Variants in GALNT17 observed in about 807,000 individuals in gnomAD.
The protein encoded by GALNT17 is polypeptide N-acetylgalactosaminyltransferase 17.
A neutral mutation model predicts 63.7 loss-of-function variants in GALNT17; 29 were observed. The ratio of observed to expected loss-of-function variants is 0.46; its 90% CI spans 0.34 to 0.62. The LOEUF is 0.62. GALNT17 is among the 20% of genes least tolerant of loss of function. The probability of loss-of-function intolerance (pLI) is 0.01; values close to 1 mark genes in which losing one functional copy is unlikely to be tolerated. For synonymous variants in GALNT17, 305 were observed against 318.3 expected (o/e 0.96, Z 0.45); for missense variants, 603 against 799.6 (o/e 0.75, Z 2.97).
At chr7:71,521,879 T>G (rs1788536707) in intron 5 of GALNT17, among the ~76,000 whole-genome samples, 1 of 152,194 alleles carries the variant, frequency 6.6e-6, no homozygotes, top group Non-Finnish European at 1.5e-5. Context: ...TTCATAATCA[T>G]AGAGATATTT....
rs1233259211 is a variant in GALNT17, at chr7:71,259,017, G to C, written c.239-76533G>C. Among the ~76,000 whole-genome samples, 4 of 152,120 alleles carry C rather than the reference G, an allele frequency of 2.6e-5. No individual in the cohort carries two copies. In the East Asian group the frequency reaches 7.7e-4, roughly 29 times the overall value. On this transcript the variant is annotated intron_variant, in intron 1 of 10. Coordinates refer to ENST00000333538, the MANE Select transcript of GALNT17 (RefSeq NM_022479.3). ...TATATGGGGGATGAGGCTGGAGAGG[G>C]GACCTCTTCTAGTTGTTTCTAATGA... is the stretch of plus-strand genomic sequence containing the variant.
intron 3 of GALNT17, among the ~76,000 whole-genome samples, chr7:71,390,721 G>A (rs936700096): frequency 6.6e-6 from 1 of 152,032 alleles, no homozygotes; most frequent in African/African-American, 2.4e-5. Flanking sequence ...CTGTTCCTGT[G>A]GCCCCCTTCA....
intron 1 of GALNT17, among the ~76,000 whole-genome samples, chr7:71,253,507 C>T (rs968398088): frequency 2.6e-5 from 4 of 151,328 alleles, no homozygotes; most frequent in African/African-American, 9.8e-5. Flanking sequence ...ACCATATTAC[C>T]TACTCTTCCT....
At chr7:71,400,819 G>A (rs1017961100) in intron 3 of GALNT17, among the ~76,000 whole-genome samples, 6 of 152,224 alleles carry the variant, frequency 3.9e-5, no homozygotes, top group Non-Finnish European at 7.3e-5. Flanking sequence ...GGAGGCAGGA[G>A]TCAAAGAGGA....
intron 5 of GALNT17, among the ~76,000 whole-genome samples, chr7:71,457,677 A>G (rs746355968): frequency 6.6e-6 from 1 of 152,164 alleles, no homozygotes; most frequent in Non-Finnish European, 1.5e-5. Context: ...TGGTGGGAGC[A>G]TAGCGGTGAA....
intron 5 of GALNT17, among the ~76,000 whole-genome samples, chr7:71,474,685 G>A (rs1022485237): frequency 3.3e-5 from 5 of 152,070 alleles, no homozygotes; most frequent in African/African-American, 9.7e-5. Context: ...AGTCATTTGC[G>A]GTGCTGTTAG....
At chr7:71,662,228 C>G (rs1429991037) in intron 6 of GALNT17, among the ~76,000 whole-genome samples, 1 of 152,038 alleles carries the variant, frequency 6.6e-6, no homozygotes, top group Non-Finnish European at 1.5e-5. Context: ...CTGCTAAGTC[C>G]TTGAAGAGTT....
intron 5 of GALNT17, among the ~76,000 whole-genome samples, chr7:71,558,144 T>C (rs932618283): frequency 2.6e-5 from 4 of 152,156 alleles, no homozygotes; most frequent in Admixed American, 2.0e-4. Flanking sequence ...TGTACTCTCC[T>C]CCACGGCTTC....
chr7:71,197,263 G>A (rs1015833822), intron 1 of GALNT17, among the ~76,000 whole-genome samples: 2 of 136,404 alleles, frequency 1.5e-5, no homozygotes, highest in African/African-American at 2.8e-5. Flanking sequence ...GCAGTGGCGC[G>A]ATCTCCGCTC....
chr7:71,698,123 CA>C (rs10708106), intron 9 of GALNT17, among the ~76,000 whole-genome samples: 16,603 of 107,504 alleles, frequency 0.15, 872 homozygotes, highest in African/African-American at 0.21. Context: ...GACTCTGTCT[CA>C]AAAAAAAAAA....
chr7:71,195,917 G>C (rs1014431652), intron 1 of GALNT17, among the ~76,000 whole-genome samples: 2 of 151,824 alleles, frequency 1.3e-5, no homozygotes, highest in African/African-American at 4.8e-5. Context: ...TGACACTTAT[G>C]ACCAGCCCCC....
chr7:71,522,345 A>G (rs1788543904), intron 5 of GALNT17, among the ~76,000 whole-genome samples: 1 of 152,210 alleles, frequency 6.6e-6, no homozygotes, highest in Admixed American at 6.5e-5. Flanking sequence ...TGCTACTGAT[A>G]AAGACATACC....
intron 2 of GALNT17, among the ~76,000 whole-genome samples, chr7:71,371,402 T>C (rs1414280143): frequency 6.6e-6 from 1 of 152,256 alleles, no homozygotes; most frequent in Admixed American, 6.5e-5. Flanking sequence ...TTATTACTCA[T>C]GAAGTTCTAC....
At chr7:71,137,279 A>G (rs1585830054) in intron 1 of GALNT17, among the ~76,000 whole-genome samples, 1 of 151,826 alleles carries the variant, frequency 6.6e-6, no homozygotes, top group South Asian at 2.1e-4. Flanking sequence ...AGCTGGGACT[A>G]CAGGCGTCCG....
At chr7:71,681,912 G>C (rs1751057827) in intron 9 of GALNT17, among the ~76,000 whole-genome samples, 1 of 151,922 alleles carries the variant, frequency 6.6e-6, no homozygotes, top group African/African-American at 2.4e-5. Flanking sequence ...TTTTGTTTTT[G>C]TTTTGTTTTT....
chr7:71,259,096 G>T (rs2115609693), intron 1 of GALNT17, among the ~76,000 whole-genome samples: 1 of 152,268 alleles, frequency 6.6e-6, no homozygotes, highest in Admixed American at 6.5e-5. Flanking sequence ...CTGGAGCGGG[G>T]AGACCTAGGT....
At chr7:71,411,649 T>C (rs1431860849) in intron 3 of GALNT17, among the ~76,000 whole-genome samples, 1 of 152,154 alleles carries the variant, frequency 6.6e-6, no homozygotes, top group Non-Finnish European at 1.5e-5. Flanking sequence ...TGGAAGTCCC[T>C]CTTGAGATGT....
At chr7:71,544,088 C>G (rs188196546) in intron 5 of GALNT17, among the ~76,000 whole-genome samples, 5 of 151,460 alleles carry the variant, frequency 3.3e-5, no homozygotes, top group African/African-American at 9.7e-5. Context: ...CCACCTCACC[C>G]AGCCTTTTAA....
chr7:71,532,839 A>G (rs776243545), intron 5 of GALNT17, among the ~76,000 whole-genome samples: 8 of 152,096 alleles, frequency 5.3e-5, no homozygotes, highest in Admixed American at 2.6e-4. Context: ...CCTGTTTACA[A>G]TTTCTGAGCT....
Sources: allele counts gnomAD v4.1 joint callset (sites outside exome capture counted in the v4.1 genomes callset), GRCh38; gene constraint gnomAD v4.1.1; transcripts MANE v1.5; gene names NCBI Gene and HGNC (gene_info 2026-07-23, HGNC 2026-07-21).